ACE: variants seen among roughly 807,000 people sequenced by gnomAD.
ACE encodes angiotensin I converting enzyme.
A neutral mutation model predicts 162.3 loss-of-function variants in ACE; 122 were observed. That is an observed-to-expected ratio of 0.75 (90% CI 0.65 to 0.87). The LOEUF (loss-of-function observed/expected upper bound fraction) is 0.87. Ranked by LOEUF, ACE falls within the 40% of genes least tolerant of loss-of-function variation. The probability of loss-of-function intolerance (pLI) is 0.00; values close to 1 mark genes in which losing one functional copy is unlikely to be tolerated. For synonymous variants in ACE, 796 were observed against 720.6 expected, an observed-to-expected ratio of 1.10 and a Z score of -1.68; for missense variants, 1,799 against 1,735.1, an observed-to-expected ratio of 1.04 and a Z score of -0.65.
Position 63,483,908 on chromosome 17 carries a change from G to A in ACE, c.1646G>A (p.Gly549Asp), listed in dbSNP as rs1328713530. 5 of 1,614,062 alleles carry A rather than the reference G, an allele frequency of 3.1e-6. No individual in the cohort carries two copies. The African/African-American group carries it at 5.3e-5, about 17-fold the overall frequency. ...CATGAAGCCCTGTGCAAGGAGGCAGGCTATGAGGGCCCACTGCACCAGTGT... is the reference window on the plus strand; with the variant it reads ...CATGAAGCCCTGTGCAAGGAGGCAGACTATGAGGGCCCACTGCACCAGTGT... ...QFHEALCKEA[G>D]YEGPLHQCDI... The change falls in exon 11 of 25, where the codon GGC becomes GAC. Residue 549 changes from glycine to aspartate, a missense_variant. Gly to Asp is a moderately conservative substitution (Grantham distance 94). Transcript: ENST00000290866.
At position 63,483,567 on chromosome 17, in the gene ACE, G is replaced by GCGGGGGGGGGGCCCCCCCCC; in HGVS notation, c.1586+10_1586+11insGGGGGGGGGGCCCCCCCCCC. 1.3e-6 allele frequency: 2 copies of GCGGGGGGGGGGCCCCCCCCC among 1,589,418 alleles called. No homozygotes were observed. The highest frequency in any genetic ancestry group is 1.7e-6 in the Non-Finnish European group (2 of 1,165,590). On this transcript the variant is annotated intron_variant, in intron 10 of 24. Coordinates refer to ENST00000290866, the MANE Select transcript of ACE (RefSeq NM_000789.4). ...GTGACACCATACATCAGGTATTAGC[G>GCGGGGGGGGGGCCCCCCCCC]CCCCCACCCCACCCACCCCCAGTAC... is the stretch of plus-strand genomic sequence containing the variant.
intron 1 of ACE, 70 bp downstream of exon 1, chr17:63,477,413 T>G (rs2147524300): frequency 8.7e-7 from 1 of 1,144,680 alleles, no homozygotes; most frequent in Non-Finnish European, 1.1e-6. Flanking sequence ...GGCCGGCTTG[T>G]GGGGCGGGCA....
At chr17:63,496,593 G>T in intron 23 of ACE, 77 bp downstream of exon 23, 1 of 1,610,668 alleles carries the variant, frequency 6.2e-7, no homozygotes, top group Non-Finnish European at 8.5e-7. Context: ...GTCCACTGGA[G>T]CTTTTGTGGG....
intron 15 of ACE, 95 bp downstream of exon 15, chr17:63,487,168 C>T (rs1415037445): frequency 1.5e-5 from 16 of 1,057,266 alleles, no homozygotes; most frequent in Admixed American, 6.9e-5. Context: ...GGGTTCCCCT[C>T]GCTCTTGGGG....
chr17:63,496,765 C>T (rs752528214), intron 23 of ACE, 33 bp from the exon 24 acceptor site: 4 of 1,608,808 alleles, frequency 2.5e-6, no homozygotes, highest in African/African-American at 1.3e-5. Context: ...CCATGTCCTT[C>T]TGACTCTGCC....
intron 15 of ACE, among the ~76,000 whole-genome samples, chr17:63,487,319 C>G (rs1056040005): frequency 1.3e-5 from 2 of 152,096 alleles, no homozygotes; most frequent in African/African-American, 4.8e-5. Flanking sequence ...GGTGTCCACT[C>G]TCTCCTGTCC....
Position 63,483,037 on chromosome 17 carries a change from A to G in ACE, c.1351A>G (p.Ile451Val), listed in dbSNP as rs1401663578. The G allele has an allele frequency of 1.2e-6, 2 of 1,614,048 alleles. No homozygotes were observed. The highest frequency in any genetic ancestry group is 4.5e-5 in the East Asian group (2 of 44,892). Residue 451 changes from isoleucine (I) to valine (V), a missense_variant, in exon 9 of 25, where the codon ATC (isoleucine) becomes GTC (valine). Coordinates refer to ENST00000290866, the MANE Select transcript of ACE (RefSeq NM_000789.4). Reference sequence around the variant, plus strand: ...ATCTCATCTCCCAACAGAAAGTGACATCAATTACTTGCTAAAAATGGCACT... The same window carrying G: ...ATCTCATCTCCCAACAGAAAGTGACGTCAATTACTTGCTAAAAATGGCACT... ...DRVTNDTESD[I>V]NYLLKMALEK...
intron 9 of ACE, 29 bp downstream of exon 9, chr17:63,483,202 C>T: frequency 6.2e-7 from 1 of 1,612,472 alleles, no homozygotes; most frequent in Non-Finnish European, 8.5e-7. Context: ...AAGCCTTCGC[C>T]CCAGCTAGCC....
chr17:63,477,634 T>G, intron 1 of ACE: 1 of 431,582 alleles, frequency 2.3e-6, no homozygotes, highest in Non-Finnish European at 4.2e-6. Context: ...GCAGCTGCCT[T>G]CTCACCTCCG....
chr17:63,483,795 AC>A (rs2029861315), intron 10 of ACE, 53 bp from the exon 11 acceptor site: 1 of 1,612,700 alleles, frequency 6.2e-7, no homozygotes, highest in Non-Finnish European at 8.5e-7. Flanking sequence ...TGGGTAAGGA[AC>A]CCCTGTTCCT....
chr17:63,477,939 A>C lies in ACE; in HGVS notation c.258A>C (p.Ala86=), dbSNP rs773215584. Residue 86 remains alanine (A), a synonymous_variant, in exon 2 of 25, where the codon GCA becomes GCC. Coordinates refer to ENST00000290866, the MANE Select transcript of ACE (RefSeq NM_000789.4). ...TAENARRQEE[A]ALLSQEFAEA... Reference sequence around the variant, plus strand: ...CTCCTGGTGCCCAATAGGAGGAAGCAGCCCTGCTCAGCCAGGAGTTTGCGG... The same window carrying C: ...CTCCTGGTGCCCAATAGGAGGAAGCCGCCCTGCTCAGCCAGGAGTTTGCGG... 1.2e-6 allele frequency: 2 copies of C among 1,610,566 alleles called. No individual in the cohort carries two copies. The highest frequency in any genetic ancestry group is 1.1e-5 in the South Asian group (1 of 90,306).
Position 63,485,349 on chromosome 17 carries a change from A to G in ACE, c.2035A>G (p.Thr679Ala), listed in dbSNP as rs771872424. 3 of 1,613,760 alleles carry G rather than the reference A, an allele frequency of 1.9e-6. No homozygotes were observed. The highest frequency in any genetic ancestry group is 2.5e-6 in the Non-Finnish European group (3 of 1,179,950). Residue 679 changes from threonine (T) to alanine (A), a missense_variant, in exon 13 of 25, where the codon ACC (threonine) becomes GCC (alanine). By Grantham distance (58) the Thr-to-Ala change is moderately conservative (BLOSUM62 0). Coordinates refer to ENST00000290866, the MANE Select transcript of ACE (RefSeq NM_000789.4). ...CAACTGGAACTACAACACCAACATC[A>G]CCACAGAGACCAGCAAGATTCTGGT... is the stretch of plus-strand genomic sequence containing the variant. ...EANWNYNTNI[T>A]TETSKILLQK...
In ACE at chr17:63,481,629, C is replaced by T. The variant is rs764882826; in HGVS notation, c.1009C>T (p.Pro337Ser). The change falls in exon 7 of 25, where the codon CCC becomes TCC. Residue 337 changes from proline to serine, a missense_variant. Coordinates refer to ENST00000290866, the MANE Select transcript of ACE (RefSeq NM_000789.4). Reference sequence around the variant, plus strand: ...GTTCTTCACCTCCCTGGAGCTCTCCCCCATGCCTCCCGAGTTCTGGGAAGG... The same window carrying T: ...GTTCTTCACCTCCCTGGAGCTCTCCTCCATGCCTCCCGAGTTCTGGGAAGG... The part of the protein sequence containing the change: ...EEFFTSLELS[P>S]MPPEFWEGSM... The T allele has an allele frequency of 6.2e-7, 1 of 1,614,122 alleles. No individual in the cohort carries two copies. The highest frequency in any genetic ancestry group is 8.5e-7 in the Non-Finnish European group (1 of 1,180,042).
At position 63,480,347 on chromosome 17, in the gene ACE, C is replaced by G. The variant is rs751284054; in HGVS notation, c.666C>G (p.Asp222Glu). The G allele has an allele frequency of 6.2e-7, 1 of 1,613,948 alleles. No homozygotes were observed. Among genetic ancestry groups the G allele is most frequent in the Admixed American group, 1.7e-5 (1 of 60,026 alleles). Residue 222 changes from aspartate to glutamate, a missense_variant, in exon 5 of 25, where the codon GAC becomes GAG. Transcript: ENST00000290866. Reference protein sequence around the residue: ...NEAYKQDGFTDTGAYWRSWYN... With the variant: ...NEAYKQDGFTETGAYWRSWYN... ...CCCCCACGCCCCCAGGCTTCACAGA[C>G]ACGGGGGCCTACTGGCGCTCCTGGT... is the stretch of plus-strand genomic sequence containing the variant.
chr17:63,484,015 G>T lies in ACE; in HGVS notation c.1709+44G>T. ...GGGGAAGTGGGAGGCAGAGAGGAGCGGCTGGCAAAGGGTGTGGCAGGAGGT... is the reference window on the plus strand; with the variant it reads ...GGGGAAGTGGGAGGCAGAGAGGAGCTGCTGGCAAAGGGTGTGGCAGGAGGT... On this transcript the variant is annotated intron_variant, in intron 11 of 24. Transcript: ENST00000290866. This position sits in a 1 kb window ranked among gnomAD's most constrained non-coding sequence, Gnocchi z 4.0. 1 of 1,573,950 alleles carries T rather than the reference G, an allele frequency of 6.4e-7. No homozygotes were observed. Among genetic ancestry groups the T allele is most frequent in the Non-Finnish European group, 8.6e-7 (1 of 1,161,376 alleles).
chr17:63,496,641 G>C, intron 23 of ACE, 125 bp downstream of exon 23: 1 of 1,585,742 alleles, frequency 6.3e-7, no homozygotes. Flanking sequence ...CCCACCTGCA[G>C]CGTGGGCCAG....
intron 7 of ACE, 108 bp downstream of exon 7, chr17:63,481,846 A>G (rs753668841): frequency 2.4e-5 from 35 of 1,431,390 alleles, no homozygotes; most frequent in Non-Finnish European, 3.2e-5. Flanking sequence ...CCTCTACCCT[A>G]CCCCAGCACT....
chr17:63,494,413 A>G lies in ACE; in HGVS notation c.3323A>G (p.Gln1108Arg), dbSNP rs2030599332. The G allele has an allele frequency of 6.2e-7, 1 of 1,614,060 alleles. No homozygotes were observed. Among genetic ancestry groups the G allele is most frequent in the African/African-American group, 1.3e-5 (1 of 74,944 alleles). ...CTCTGCCCCCCAGTGCCCAGGACTC[A>G]AGGTGACTTTGACCCAGGGGCCAAG... The part of the protein sequence containing the change: ...QGLCPPVPRT[Q>R]GDFDPGAKFH... The change falls in exon 22 of 25, where the codon CAA (glutamine) becomes CGA (arginine). Residue 1108 changes from glutamine to arginine, a missense_variant. Transcript: ENST00000290866.
At chr17:63,490,585 C>T in intron 17 of ACE, 1 of 325,402 alleles carries the variant, frequency 3.1e-6, no homozygotes, top group Non-Finnish European at 6.0e-6. Flanking sequence ...AGTGAATTCA[C>T]ACAATGTTCT....
Sources: allele counts gnomAD v4.1 joint callset (sites outside exome capture counted in the v4.1 genomes callset), GRCh38; gene constraint gnomAD v4.1.1; non-coding constraint Gnocchi (gnomAD v3.1); transcripts MANE v1.5; gene names NCBI Gene and HGNC (gene_info 2026-07-23, HGNC 2026-07-21).